CD109: variants seen among roughly 807,000 people sequenced by gnomAD.
CD109 encodes CD109 molecule.
Under a neutral mutation model 165.8 loss-of-function variants are expected in CD109, and 149 were observed. The observed-to-expected ratio is 0.90, with a 90% CI of 0.79 to 1.03. The LOEUF (loss-of-function observed/expected upper bound fraction) is 1.03. CD109 is among the 50% of genes least tolerant of loss of function. The pLI is 0.00. For missense variants in CD109, 1,712 were observed against 1,677.8 expected (o/e 1.02, Z -0.36); for synonymous variants, 585 against 592.1 (o/e 0.99, Z 0.18).
In CD109 at chr6:73,730,341, C is replaced by T. The variant is rs1772315034; in HGVS notation, c.277-3C>T. 1 of 1,579,072 alleles carries T rather than the reference C, an allele frequency of 6.3e-7. No individual in the cohort carries two copies. On this transcript the variant is annotated splice_region_variant and splice_polypyrimidine_tract_variant and intron_variant, in intron 3 of 32. Coordinates refer to ENST00000287097, the MANE Select transcript of CD109 (RefSeq NM_133493.5). ...TTGATGTGTGATCTCTTTTTCCCCC[C>T]AGCTACCTCTGAACAGTGCAGATGA...
the CD109 span, among the ~76,000 whole-genome samples, chr6:73,687,556 A>G: frequency 6.6e-6 from 1 of 151,236 alleles, no homozygotes; most frequent in Non-Finnish European, 1.5e-5. Context: ...CTTGATGAAC[A>G]GAACACAGCT....
chr6:73,722,311 T>C (rs1485575285), intron 2 of CD109, among the ~76,000 whole-genome samples: 1 of 152,220 alleles, frequency 6.6e-6, no homozygotes, highest in Admixed American at 6.5e-5. Context: ...GTATTCCTTA[T>C]AACCACCTCA....
Position 73,771,437 on chromosome 6 carries a change from A to C in CD109, c.1683A>C (p.Leu561=). Reference sequence around the variant, plus strand: ...CTTTCTCTCTTTTTTAGATAAAGCTATATTGGAGTAAAGTGAAAGCTGAAC... The same window carrying C: ...CTTTCTCTCTTTTTTAGATAAAGCTCTATTGGAGTAAAGTGAAAGCTGAAC... The part of the protein sequence containing the change: ...VQLVFKNKIK[L]YWSKVKAEPS... The change falls in exon 15 of 33, where the codon CTA becomes CTC. Residue 561 remains leucine (L), a synonymous_variant. Transcript: ENST00000287097. 6.2e-7 allele frequency: 1 copy of C among 1,604,472 alleles called. No homozygotes were observed. Among genetic ancestry groups the C allele is most frequent in the South Asian group, 1.1e-5 (1 of 88,260 alleles).
At chr6:73,752,618 G>A (rs1334289835) in intron 5 of CD109, among the ~76,000 whole-genome samples, 1 of 152,188 alleles carries the variant, frequency 6.6e-6, no homozygotes, top group Non-Finnish European at 1.5e-5. Context: ...GAAACAGAGA[G>A]TTTCTACTGG....
In CD109 at chr6:73,808,105, C is replaced by A; in HGVS notation, c.3212C>A (p.Ser1071Tyr). 1 of 1,613,150 alleles carries A rather than the reference C, an allele frequency of 6.2e-7. No homozygotes were observed. Among genetic ancestry groups the A allele is most frequent in the Non-Finnish European group, 8.5e-7 (1 of 1,179,512 alleles). ...KYQPNIDVQE[S>Y]IHFLESEFSR... ...AAGCCTAACATTGATGTGCAAGAGTCTATCCATTTTTTGGAGTCTGAATTC... is the reference window on the plus strand; with the variant it reads ...AAGCCTAACATTGATGTGCAAGAGTATATCCATTTTTTGGAGTCTGAATTC... Residue 1071 changes from serine (S) to tyrosine (Y), a missense_variant, in exon 26 of 33, where the codon TCT becomes TAT. Physicochemically the swap from Ser to Tyr is moderately radical, Grantham distance 144. Coordinates refer to ENST00000287097, the MANE Select transcript of CD109 (RefSeq NM_133493.5).
chr6:73,782,168 A>C (rs953208786), intron 17 of CD109, among the ~76,000 whole-genome samples: 1 of 152,102 alleles, frequency 6.6e-6, no homozygotes, highest in Non-Finnish European at 1.5e-5. Context: ...TCTTGCCCCA[A>C]CAGGACACCT....
At chr6:73,681,350 G>A in the CD109 span, among the ~76,000 whole-genome samples, 2 of 150,148 alleles carry the variant, frequency 1.3e-5, no homozygotes, top group African/African-American at 2.4e-5. Flanking sequence ...GTGTGTGTGT[G>A]TGTGTGTGTG....
At chr6:73,792,194 T>C (rs1774994311) in intron 22 of CD109, among the ~76,000 whole-genome samples, 1 of 152,200 alleles carries the variant, frequency 6.6e-6, no homozygotes. Context: ...CATTGTTTTT[T>C]TAAAAAATTA....
chr6:73,715,802 A>G (rs972549773), intron 2 of CD109, among the ~76,000 whole-genome samples: 2 of 152,200 alleles, frequency 1.3e-5, no homozygotes, highest in African/African-American at 2.4e-5. Flanking sequence ...TTATTTAAAA[A>G]TGTACAATCA....
intron 5 of CD109, among the ~76,000 whole-genome samples, chr6:73,752,009 C>T (rs1031967712): frequency 2.0e-5 from 3 of 152,164 alleles, no homozygotes; most frequent in Non-Finnish European, 4.4e-5. Flanking sequence ...CCCTTTTAAC[C>T]TCCCGTTATG....
At chr6:73,760,084 G>C (rs112640897) in intron 7 of CD109, among the ~76,000 whole-genome samples, 26 of 152,178 alleles carry the variant, frequency 1.7e-4, no homozygotes, top group African/African-American at 6.3e-4. Flanking sequence ...TCACAATAGA[G>C]ATAGAAGCAA....
At chr6:73,722,552 G>C (rs1771997003) in intron 2 of CD109, among the ~76,000 whole-genome samples, 1 of 152,116 alleles carries the variant, frequency 6.6e-6, no homozygotes, top group African/African-American at 2.4e-5. Flanking sequence ...CATCTGTCTT[G>C]CACATTGTGC....
At chr6:73,791,132 CATACATATATATATATATAT>C (rs1370149122) in intron 22 of CD109, among the ~76,000 whole-genome samples, 622 of 46,806 alleles carry the variant, frequency 0.013, 38 homozygotes, top group African/African-American at 0.071. Context: ...TATATACATA[CATACATATATATATATATAT>C]ATATATATAT....
intron 5 of CD109, 105 bp downstream of exon 5, chr6:73,736,613 TG>T: frequency 1.1e-6 from 1 of 943,374 alleles, no homozygotes; most frequent in Non-Finnish European, 1.5e-6. Context: ...AAAAAATTAA[TG>T]TGAACATTTA....
At chr6:73,793,660 C>T (rs1015528805) in intron 23 of CD109, among the ~76,000 whole-genome samples, 2 of 152,184 alleles carry the variant, frequency 1.3e-5, no homozygotes, top group African/African-American at 2.4e-5. Flanking sequence ...ATGTGAGACA[C>T]GTTTGATGTT....
rs542757307 is a variant in CD109 at position 73,713,104 on chromosome 6, G to A, written c.248-10147G>A. Among the ~76,000 whole-genome samples the A allele has an allele frequency of 6.6e-5, 10 of 151,842 alleles. No homozygotes were observed. In the South Asian group the frequency reaches 2.1e-3, roughly 32 times the overall value. ...CCCCACTCTCCTCCCCGCTGCCCCC[G>A]ATTTTATGTTTTGGTTGTGTAAATT... On this transcript the variant is annotated intron_variant, in intron 2 of 32. Transcript: ENST00000287097.
intron 2 of CD109, among the ~76,000 whole-genome samples, chr6:73,713,925 G>A (rs146708191): frequency 2.0e-4 from 31 of 152,050 alleles, no homozygotes; most frequent in African/African-American, 5.5e-4. Flanking sequence ...CCCCTCCCCC[G>A]TCGTTCTTCA....
chr6:73,799,018 T>G (rs1190144350), intron 23 of CD109, among the ~76,000 whole-genome samples: 5 of 152,106 alleles, frequency 3.3e-5, no homozygotes, highest in Non-Finnish European at 5.9e-5. Context: ...TCTTTTTTCT[T>G]AGGTTGAATT....
At chr6:73,681,599 T>G in the CD109 span, among the ~76,000 whole-genome samples, 1 of 150,512 alleles carries the variant, frequency 6.6e-6, no homozygotes, top group Non-Finnish European at 1.5e-5. Flanking sequence ...GTAGGGAAAC[T>G]TCCCCCACTT....
Sources: gnomAD v4.1 joint callset for allele counts (sites outside exome capture counted in the v4.1 genomes callset) on GRCh38, gnomAD v4.1.1 for gene constraint, MANE v1.5 for transcripts, NCBI Gene and HGNC (gene_info 2026-07-23, HGNC 2026-07-21) for gene names.